AFF1: variants seen among roughly 807,000 people sequenced by gnomAD.
AFF1 encodes ALF transcription elongation factor 1.
AFF1 carries 48 observed loss-of-function variants against 121.7 expected under a neutral mutation model. The ratio of observed to expected loss-of-function variants is 0.39; its 90% confidence interval spans 0.31 to 0.50. The LOEUF (loss-of-function observed/expected upper bound fraction) is 0.50, where lower values mean the gene tolerates loss of function less well. Among genes scored for constraint, AFF1 ranks in the 20% least tolerant of loss-of-function variants. AFF1 has a pLI of 0.76. For missense variants in AFF1, 1,523 were observed against 1,511.7 expected (o/e 1.01, Z -0.12); for synonymous variants, 613 against 563.0 (o/e 1.09, Z -1.26).
chr4:87,020,493 T>G (rs905160439), intron 2 of AFF1, among the ~76,000 whole-genome samples: 2 of 152,122 alleles, frequency 1.3e-5, no homozygotes, highest in Non-Finnish European at 2.9e-5. Context: ...TGTTTTGTTT[T>G]GTTTTGTTTC....
chr4:87,004,506 C>T (rs1191454254), intron 2 of AFF1, among the ~76,000 whole-genome samples: 2 of 152,132 alleles, frequency 1.3e-5, no homozygotes, highest in Admixed American at 1.3e-4. Context: ...TACATTCATG[C>T]AAATCTCTTT....
Position 87,137,054 on chromosome 4 carries a change from A to G in AFF1, c.*1353A>G, listed in dbSNP as rs1723920085. On this transcript the variant is annotated 3_prime_UTR_variant, in exon 21 of 21. Coordinates refer to ENST00000395146, the MANE Select transcript of AFF1 (RefSeq NM_001166693.3). The stretch of plus-strand genomic sequence containing the variant: ...CTAAAATGAAGTAACACAATCAGAA[A>G]TCCCATGTGCCCATAAGCACAGATT... The G allele has an allele frequency of 8.9e-6, 2 of 224,446 alleles. No individual in the cohort carries two copies. Among genetic ancestry groups the G allele is most frequent in the Non-Finnish European group, 1.8e-5 (2 of 112,424 alleles). 13.9% of individuals were successfully genotyped at this position (224,446 alleles called of 1,614,324 possible).
intron 8 of AFF1, among the ~76,000 whole-genome samples, chr4:87,104,604 A>G (rs1258105733): frequency 1.3e-5 from 2 of 152,160 alleles, no homozygotes; most frequent in Admixed American, 6.5e-5. Context: ...TAGAAAACAT[A>G]GTGATTTTTA....
rs373189102 is a variant in AFF1 at position 86,985,168 on chromosome 4, A to ATGTAT, written c.38+36598_38+36599insGTATT. ...CATAATATATAAAAATATAATATAT[A>ATGTAT]TAATATGTATTACTATATATATATA... On this transcript the variant is annotated intron_variant, in intron 2 of 20. Coordinates refer to ENST00000395146, the MANE Select transcript of AFF1 (RefSeq NM_001166693.3). Among the ~76,000 whole-genome samples the ATGTAT allele has an allele frequency of 1.5e-4, 15 of 102,322 alleles. No homozygotes were observed. In the East Asian group the frequency reaches 1.9e-3, roughly 13 times the overall value. The allele number at this position is 102,322 out of a possible 152,430, so 67.1% of individuals were successfully genotyped here. A position where few individuals can be genotyped will look rare whatever the true frequency, so the allele number is the denominator to read the frequency against.
intron 12 of AFF1, among the ~76,000 whole-genome samples, chr4:87,124,024 C>A (rs1307366943): frequency 6.6e-6 from 1 of 152,194 alleles, no homozygotes; most frequent in Non-Finnish European, 1.5e-5. Context: ...GGGCTTCCTC[C>A]TGAACCCAGA....
chr4:86,957,117 G>T (rs974474273), intron 2 of AFF1, among the ~76,000 whole-genome samples: 25 of 152,152 alleles, frequency 1.6e-4, no homozygotes, highest in Admixed American at 3.9e-4. Flanking sequence ...ACTAGTCCAG[G>T]CATTTGGCAT....
chr4:87,135,371 CATT>C (rs1729213539), intron 20 of AFF1, among the ~76,000 whole-genome samples: 2 of 152,046 alleles, frequency 1.3e-5, no homozygotes, highest in Non-Finnish European at 2.9e-5. Context: ...TTGTGCTAAG[CATT>C]ATGGATTCAG....
intron 3 of AFF1, 113 bp downstream of exon 3, chr4:87,046,399 A>ATAACTTATTC (rs1473983430): frequency 8.0e-6 from 11 of 1,371,700 alleles, no homozygotes; most frequent in Non-Finnish European, 1.1e-5. Flanking sequence ...TGAAAATAAG[A>ATAACTTATTC]TAACTTATTC....
chr4:86,944,689 TAAAG>T (rs1198339385), intron 1 of AFF1, among the ~76,000 whole-genome samples: 1 of 152,154 alleles, frequency 6.6e-6, no homozygotes, highest in Admixed American at 6.5e-5. Flanking sequence ...CAGCATGTGG[TAAAG>T]ACTCTTGAGA....
At position 87,137,644 on chromosome 4, in the gene AFF1, A is replaced by G. The variant is rs1037159304; in HGVS notation, c.*1943A>G. ...AAGCCCTGGTCCTTTTTAAACTACT[A>G]GTTTTAAAAACCTGTGTTAAATGAA... On this transcript the variant is annotated 3_prime_UTR_variant, in exon 21 of 21. Transcript: ENST00000395146. 25 of 232,190 alleles carry G rather than the reference A, an allele frequency of 1.1e-4. No individual in the cohort carries two copies. The highest frequency in any genetic ancestry group is 3.5e-4 in the African/African-American group (16 of 45,264). 14.4% of individuals were successfully genotyped at this position (232,190 alleles called of 1,614,324 possible).
chr4:87,005,822 T>G (rs1292630991), intron 2 of AFF1, among the ~76,000 whole-genome samples: 1 of 151,930 alleles, frequency 6.6e-6, no homozygotes, highest in Non-Finnish European at 1.5e-5. Flanking sequence ...AAAAATAACG[T>G]GTGGTAGTGA....
chr4:86,996,841 A>G (rs1365092777), intron 2 of AFF1, among the ~76,000 whole-genome samples: 2 of 152,260 alleles, frequency 1.3e-5, no homozygotes, highest in Non-Finnish European at 2.9e-5. Flanking sequence ...ATCTGCCCTC[A>G]TGAATGAATG....
At chr4:87,017,577 A>G (rs1727431291) in intron 2 of AFF1, among the ~76,000 whole-genome samples, 1 of 152,246 alleles carries the variant, frequency 6.6e-6, no homozygotes, top group South Asian at 2.1e-4. Flanking sequence ...GAATTTAAAT[A>G]TATTATTTGT....
intron 1 of AFF1, among the ~76,000 whole-genome samples, chr4:86,937,664 C>G (rs1720122824): frequency 1.3e-5 from 2 of 152,150 alleles, no homozygotes. Flanking sequence ...TCACTGCAAC[C>G]TCCAACTCCT....
Position 87,047,408 on chromosome 4 carries a change from T to G in AFF1, c.873T>G (p.Val291=). The change falls in exon 4 of 21, where the codon GTT becomes GTG. Residue 291 remains valine, a synonymous_variant. Transcript: ENST00000395146. The stretch of plus-strand genomic sequence containing the variant: ...CTCCCTCCCTCCCCTCAAAAAGTGT[T>G]GCAATGCAGCAGAAGCCCACGGCTT... ...FPPPSLPSKS[V]AMQQKPTAYV... 6.2e-7 allele frequency: 1 copy of G among 1,614,112 alleles called. No individual in the cohort carries two copies. The highest frequency in any genetic ancestry group is 1.6e-4 in the Middle Eastern group (1 of 6,062).
intron 10 of AFF1, 78 bp from the exon 11 acceptor site, chr4:87,108,081 C>T: frequency 1.3e-6 from 2 of 1,516,188 alleles, no homozygotes; most frequent in South Asian, 2.5e-5. Flanking sequence ...TTTTGAGTAG[C>T]AGGAAAATGG....
intron 12 of AFF1, among the ~76,000 whole-genome samples, chr4:87,115,571 A>G (rs1165196408): frequency 1.4e-5 from 2 of 142,238 alleles, no homozygotes; most frequent in Non-Finnish European, 3.0e-5. Flanking sequence ...AGCTTCTTTT[A>G]GGATAATGTA....
chr4:87,124,147 T>A (rs1324628292), intron 12 of AFF1, among the ~76,000 whole-genome samples: 1 of 152,220 alleles, frequency 6.6e-6, no homozygotes, highest in Non-Finnish European at 1.5e-5. Context: ...CGTGGAAGAA[T>A]TCTGTGTTGT....
At chr4:87,122,970 C>T (rs1177689811) in intron 12 of AFF1, among the ~76,000 whole-genome samples, 1 of 151,064 alleles carries the variant, frequency 6.6e-6, no homozygotes, top group Non-Finnish European at 1.5e-5. Flanking sequence ...TCTCAGCTCA[C>T]TGCACCCTCC....
Sources: gnomAD v4.1 joint callset for allele counts (sites outside exome capture counted in the v4.1 genomes callset) on GRCh38, gnomAD v4.1.1 for gene constraint, MANE v1.5 for transcripts, NCBI Gene and HGNC (gene_info 2026-07-23, HGNC 2026-07-21) for gene names.